The following FAM13B variants were observed in gnomAD, a reference collection of about 807,000 sequenced individuals.
FAM13B encodes protein FAM13B.
FAM13B carries 60 observed loss-of-function variants against 117.3 expected under a neutral mutation model. The ratio of observed to expected loss-of-function variants is 0.51; its 90% CI spans 0.42 to 0.63. FAM13B has a LOEUF of 0.63. FAM13B is among the 30% of genes least tolerant of loss of function. The pLI is 0.00. For missense variants in FAM13B, 972 were observed against 1,091.9 expected, an observed-to-expected ratio of 0.89 and a Z score of 1.55; for synonymous variants, 332 against 356.1, an observed-to-expected ratio of 0.93 and a Z score of 0.76.
Position 138,006,981 on chromosome 5 carries a change from A to G in FAM13B, c.848+9T>C, listed in dbSNP as rs1470205194. 1.3e-6 allele frequency: 2 copies of G among 1,595,190 alleles called. No individual in the cohort carries two copies. Among genetic ancestry groups the G allele is most frequent in the Admixed American group, 1.8e-5 (1 of 54,446 alleles). ...TCAAAAGCTAAAGTTCATTCAACTG[A>G]GCTATTACCTTGTTGCCGTAACACT... On this transcript the variant is annotated intron_variant, in intron 7 of 23. Coordinates refer to ENST00000689681, the MANE Select transcript of FAM13B (RefSeq NM_001385994.1).
At chr5:138,020,123 C>A in intron 2 of FAM13B, 2 of 482,114 alleles carry the variant, frequency 4.1e-6, no homozygotes, top group Non-Finnish European at 5.4e-6. Flanking sequence ...TGCAATGGTG[C>A]AATCTTGGCT....
intron 7 of FAM13B, among the ~76,000 whole-genome samples, chr5:137,989,178 C>T (rs563926315): frequency 1.3e-5 from 2 of 152,274 alleles, no homozygotes; most frequent in African/African-American, 4.8e-5. Context: ...ATTTTTTAAA[C>T]GTAAATTAGT....
intron 1 of FAM13B, among the ~76,000 whole-genome samples, chr5:138,031,156 T>A (rs998974639): frequency 4.6e-5 from 7 of 152,212 alleles, no homozygotes; most frequent in Admixed American, 2.6e-4. Context: ...AAGCAGTTAT[T>A]TTATTGGTGG....
chr5:137,983,185 A>T (rs1422249211), intron 10 of FAM13B, among the ~76,000 whole-genome samples: 7 of 6,740 alleles, frequency 1.0e-3, no homozygotes, highest in African/African-American at 2.3e-3. Flanking sequence ...GTAAAAAAAA[A>T]AAAAAAAAAA....
At chr5:138,014,028 C>G (rs1367924214) in intron 4 of FAM13B, among the ~76,000 whole-genome samples, 1 of 152,114 alleles carries the variant, frequency 6.6e-6, no homozygotes, top group Non-Finnish European at 1.5e-5. Flanking sequence ...CCTCAACCTC[C>G]CAGGCCCAAG....
At chr5:138,018,663 T>C in intron 3 of FAM13B, 149 bp from the exon 4 acceptor site, 1 of 695,344 alleles carries the variant, frequency 1.4e-6, no homozygotes, top group East Asian at 2.7e-5. Flanking sequence ...AAATTATACA[T>C]CTAGAAACAT....
intron 6 of FAM13B, among the ~76,000 whole-genome samples, chr5:138,007,938 T>C (rs1782966040): frequency 6.6e-6 from 1 of 152,254 alleles, no homozygotes; most frequent in East Asian, 1.9e-4. Context: ...AATGCAAGTA[T>C]GCTTTTTCTC....
At chr5:138,008,475 G>C (rs947488189) in intron 6 of FAM13B, among the ~76,000 whole-genome samples, 2 of 152,090 alleles carry the variant, frequency 1.3e-5, no homozygotes, top group African/African-American at 2.4e-5. Context: ...GTAGTTAAAA[G>C]CTAGGCCTCA....
chr5:137,945,265 T>C (rs1763128673), intron 20 of FAM13B, among the ~76,000 whole-genome samples: 1 of 152,214 alleles, frequency 6.6e-6, no homozygotes. Flanking sequence ...TGCTGTTTTC[T>C]ATTTGAACCC....
At chr5:138,021,836 GC>G (rs1372841108) in intron 1 of FAM13B, among the ~76,000 whole-genome samples, 1 of 152,122 alleles carries the variant, frequency 6.6e-6, no homozygotes, top group Non-Finnish European at 1.5e-5. Flanking sequence ...ACCTGTACAG[GC>G]CAGGTGCATT....
intron 3 of FAM13B, 86 bp from the exon 4 acceptor site, chr5:138,018,600 C>A: frequency 7.8e-7 from 1 of 1,288,322 alleles, no homozygotes; most frequent in Non-Finnish European, 1.1e-6. Context: ...ACTTAAAATA[C>A]TCATACTTTT....
chr5:137,972,856 C>G (rs1772666869), intron 10 of FAM13B, among the ~76,000 whole-genome samples: 2 of 152,006 alleles, frequency 1.3e-5, no homozygotes, highest in African/African-American at 4.8e-5. Context: ...CTCCCATTCA[C>G]AATTGCTTCA....
intron 15 of FAM13B, 53 bp downstream of exon 15, chr5:137,954,113 G>A (rs947321614): frequency 7.1e-6 from 8 of 1,134,692 alleles, no homozygotes; most frequent in Non-Finnish European, 9.9e-6. Flanking sequence ...TCTCTCAAAA[G>A]ACTTGGGTAC....
At chr5:138,027,958 C>G (rs1022355545) in intron 1 of FAM13B, among the ~76,000 whole-genome samples, 1 of 152,210 alleles carries the variant, frequency 6.6e-6, no homozygotes, top group Non-Finnish European at 1.5e-5. Context: ...TTTCCTGGAG[C>G]CTCCCCAGCC....
At chr5:138,030,205 C>G (rs994034889) in intron 1 of FAM13B, among the ~76,000 whole-genome samples, 2 of 152,132 alleles carry the variant, frequency 1.3e-5, no homozygotes, top group Non-Finnish European at 2.9e-5. Flanking sequence ...ATTAATTTAT[C>G]TAGGGTGTGG....
intron 10 of FAM13B, among the ~76,000 whole-genome samples, chr5:137,972,151 C>T (rs1210349587): frequency 6.6e-6 from 1 of 150,786 alleles, no homozygotes; most frequent in African/African-American, 2.4e-5. Flanking sequence ...CAGGCAGAGA[C>T]ACAACCAAAA....
rs1462381450 is a variant in FAM13B, at chr5:137,942,042, A to G, written c.2592T>C (p.Pro864=). ...RLSSSRAASM[P]ELLEQLWKAR... is the part of the protein sequence containing the mutation. Reference sequence around the variant, plus strand: ...CTTTCCAAAGTTGTTCCAATAATTCAGGCCTAGAATTGAAATGGTAAAATA... The same window carrying G: ...CTTTCCAAAGTTGTTCCAATAATTCGGGCCTAGAATTGAAATGGTAAAATA... The change falls in exon 23 of 24, where the codon CCT becomes CCC. Residue 864 remains proline, a synonymous_variant. Transcript: ENST00000689681. 2.5e-6 allele frequency: 4 copies of G among 1,612,704 alleles called. No homozygotes were observed. The highest frequency in any genetic ancestry group is 3.3e-5 in the Admixed American group (2 of 59,960).
At chr5:138,030,665 A>C (rs1789644780) in intron 1 of FAM13B, among the ~76,000 whole-genome samples, 1 of 151,236 alleles carries the variant, frequency 6.6e-6, no homozygotes, top group South Asian at 2.1e-4. Context: ...TATAATTTAC[A>C]CACTAAAATT....
At chr5:137,953,605 T>C in intron 15 of FAM13B, 140 bp from the exon 16 acceptor site, 1 of 809,164 alleles carries the variant, frequency 1.2e-6, no homozygotes, top group South Asian at 1.9e-5. Context: ...ACAGGTAGTA[T>C]AAAGAAACAC....
Sources: gnomAD v4.1 joint callset for allele counts (sites outside exome capture counted in the v4.1 genomes callset) on GRCh38, gnomAD v4.1.1 for gene constraint, MANE v1.5 for transcripts, NCBI Gene and HGNC (gene_info 2026-07-23, HGNC 2026-07-21) for gene names.